Variants in ST6GALNAC5 observed in about 807,000 individuals in gnomAD.
The protein encoded by ST6GALNAC5 is alpha-N-acetylgalactosaminide alpha-2,6-sialyltransferase 5.
ST6GALNAC5 carries 27 observed loss-of-function variants against 33.6 expected under a neutral mutation model. The ratio of observed to expected loss-of-function variants is 0.80; its 90% CI spans 0.59 to 1.11. The LOEUF is 1.11. Ranked by LOEUF, ST6GALNAC5 falls within the 50% of genes least tolerant of loss-of-function variation. The pLI is 0.00. For synonymous variants in ST6GALNAC5, 194 were observed against 171.2 expected (o/e 1.13, Z -1.04); for missense variants, 428 against 454.0 (o/e 0.94, Z 0.52).
intron 2 of ST6GALNAC5, among the ~76,000 whole-genome samples, chr1:77,017,503 G>A (rs1000946607): frequency 9.9e-5 from 15 of 152,158 alleles, no homozygotes; most frequent in African/African-American, 1.7e-4. Context: ...CTGCTGCTCC[G>A]CTCTGCATGA....
intron 2 of ST6GALNAC5, among the ~76,000 whole-genome samples, chr1:76,957,005 T>G (rs1001756497): frequency 6.6e-6 from 1 of 152,198 alleles, no homozygotes; most frequent in African/African-American, 2.4e-5. Flanking sequence ...TTATTTTTAT[T>G]TTACCCAACT....
rs1653387457 is a variant in ST6GALNAC5 at position 76,868,092 on chromosome 1, A to C, written c.15+402A>C. On this transcript the variant is annotated intron_variant, in intron 1 of 4. Coordinates refer to ENST00000477717, the MANE Select transcript of ST6GALNAC5 (RefSeq NM_030965.3). This position sits in a 1 kb window ranked among gnomAD's most constrained non-coding sequence, Gnocchi z 4.3. ...TTTCTTAGATTTCAAACTTGCAAGG[A>C]TCGCAAGGATCCAGGGCCCCAGGAA... 6.6e-6 allele frequency among the ~76,000 whole-genome samples: 1 copy of C among 152,174 alleles called. No individual in the cohort carries two copies. The highest frequency in any genetic ancestry group is 2.4e-5 in the African/African-American group (1 of 41,464).
At chr1:76,930,465 T>C (rs1011034441) in intron 2 of ST6GALNAC5, among the ~76,000 whole-genome samples, 3 of 152,120 alleles carry the variant, frequency 2.0e-5, no homozygotes, top group East Asian at 1.9e-4. Flanking sequence ...TAGACTGACA[T>C]GGTGAACATT....
In ST6GALNAC5 at chr1:76,876,109, C is replaced by T. The variant is rs933832027; in HGVS notation, c.261+7367C>T. 1.1e-4 allele frequency among the ~76,000 whole-genome samples: 16 copies of T among 152,340 alleles called. No homozygotes were observed. The South Asian group carries it at 3.1e-3, about 30-fold the overall frequency. On this transcript the variant is annotated intron_variant, in intron 2 of 4. Coordinates refer to ENST00000477717, the MANE Select transcript of ST6GALNAC5 (RefSeq NM_030965.3). ...GTGTGCAGGATAGGCAAACACGTATCTGGAGTAAGTGTCTATTCCAGTTAG... is the reference window on the plus strand; with the variant it reads ...GTGTGCAGGATAGGCAAACACGTATTTGGAGTAAGTGTCTATTCCAGTTAG...
At chr1:76,922,625 G>A (rs2100298875) in intron 2 of ST6GALNAC5, among the ~76,000 whole-genome samples, 1 of 152,180 alleles carries the variant, frequency 6.6e-6, no homozygotes, top group Non-Finnish European at 1.5e-5. Flanking sequence ...TATTACCAGA[G>A]GTATAGACAC....
intron 2 of ST6GALNAC5, among the ~76,000 whole-genome samples, chr1:77,020,743 C>G (rs1034176034): frequency 2.0e-5 from 3 of 152,166 alleles, no homozygotes; most frequent in Admixed American, 6.5e-5. Flanking sequence ...AACAAACTAC[C>G]CCACACTTGG....
At position 77,044,518 on chromosome 1, in the gene ST6GALNAC5, G is replaced by A; in HGVS notation, c.576G>A (p.Leu192=). ...AGGTCTACAACAACCTGCATCTCCT[G>A]AGCCAGGTGCTGCCCCGGCTGAAGG... ...KGQVYNNLHL[L]SQVLPRLKAF... The change falls in exon 3 of 5, where the codon CTG becomes CTA. Residue 192 remains leucine (L), a synonymous_variant. Coordinates refer to ENST00000477717, the MANE Select transcript of ST6GALNAC5 (RefSeq NM_030965.3). The A allele has an allele frequency of 6.2e-7, 1 of 1,612,210 alleles. No homozygotes were observed. The highest frequency in any genetic ancestry group is 8.5e-7 in the Non-Finnish European group (1 of 1,178,978).
chr1:76,992,086 G>A (rs914889903), intron 2 of ST6GALNAC5, among the ~76,000 whole-genome samples: 4 of 151,968 alleles, frequency 2.6e-5, no homozygotes, highest in Admixed American at 1.3e-4. Flanking sequence ...TGACCCATTA[G>A]TAATCATCAA....
intron 2 of ST6GALNAC5, among the ~76,000 whole-genome samples, chr1:76,899,394 T>G (rs1032185140): frequency 5.3e-5 from 8 of 150,950 alleles, no homozygotes; most frequent in African/African-American, 2.0e-4. Flanking sequence ...GGCACAGAGA[T>G]AAGAGGTCAG....
intron 4 of ST6GALNAC5, among the ~76,000 whole-genome samples, chr1:77,059,192 A>C (rs1652495271): frequency 6.6e-6 from 1 of 152,222 alleles, no homozygotes; most frequent in Non-Finnish European, 1.5e-5. Flanking sequence ...AATTATCAAA[A>C]GTAAGAAATT....
chr1:76,881,334 C>A (rs1653774986), intron 2 of ST6GALNAC5, among the ~76,000 whole-genome samples: 1 of 152,130 alleles, frequency 6.6e-6, no homozygotes, highest in African/African-American at 2.4e-5. Context: ...ATTGCCTGTT[C>A]TATTCAATAT....
At chr1:77,039,825 C>T (rs536740317) in intron 2 of ST6GALNAC5, among the ~76,000 whole-genome samples, 77 of 152,306 alleles carry the variant, frequency 5.1e-4, no homozygotes, top group African/African-American at 1.7e-3. Flanking sequence ...CCTTGCTCAG[C>T]GGAGAGCCCG....
chr1:76,940,416 C>T (rs577719892), intron 2 of ST6GALNAC5, among the ~76,000 whole-genome samples: 3 of 152,216 alleles, frequency 2.0e-5, no homozygotes, highest in African/African-American at 7.2e-5. Context: ...TGGCGTGGTA[C>T]TTGTACATGT....
At chr1:77,056,864 C>T (rs897275963) in intron 4 of ST6GALNAC5, among the ~76,000 whole-genome samples, 1 of 152,108 alleles carries the variant, frequency 6.6e-6, no homozygotes, top group Non-Finnish European at 1.5e-5. Context: ...CATGGGCTTC[C>T]AAGGTATACA....
At chr1:76,976,661 T>C (rs1557744710) in intron 2 of ST6GALNAC5, among the ~76,000 whole-genome samples, 1 of 152,180 alleles carries the variant, frequency 6.6e-6, no homozygotes, top group African/African-American at 2.4e-5. Flanking sequence ...AAATTGTCTA[T>C]TTTATCTAGG....
intron 4 of ST6GALNAC5, among the ~76,000 whole-genome samples, chr1:77,062,176 C>T (rs977164790): frequency 6.6e-6 from 1 of 152,226 alleles, no homozygotes; most frequent in Middle Eastern, 3.4e-3. Flanking sequence ...TTATTAAGCA[C>T]CTACCAGGGA....
intron 2 of ST6GALNAC5, among the ~76,000 whole-genome samples, chr1:77,021,853 T>C (rs1441620689): frequency 1.3e-5 from 2 of 152,224 alleles, no homozygotes; most frequent in African/African-American, 4.8e-5. Flanking sequence ...TAGCTTTCTA[T>C]GTGCTGACAA....
intron 2 of ST6GALNAC5, among the ~76,000 whole-genome samples, chr1:76,980,589 A>C (rs1399691916): frequency 1.3e-5 from 2 of 152,212 alleles, no homozygotes; most frequent in African/African-American, 4.8e-5. Flanking sequence ...CAAAAACAGA[A>C]AGAAGAAAAT....
At chr1:76,966,460 CTT>C (rs1557739982) in intron 2 of ST6GALNAC5, among the ~76,000 whole-genome samples, 4 of 152,316 alleles carry the variant, frequency 2.6e-5, no homozygotes, top group Middle Eastern at 3.4e-3. Context: ...TATCTTGAGA[CTT>C]TGCTGAAATT....
Sources: allele counts gnomAD v4.1 joint callset (sites outside exome capture counted in the v4.1 genomes callset), GRCh38; gene constraint gnomAD v4.1.1; non-coding constraint Gnocchi (gnomAD v3.1); transcripts MANE v1.5; gene names NCBI Gene and HGNC (gene_info 2026-07-23, HGNC 2026-07-21).